Variants in FAT2 observed in about 807,000 individuals in gnomAD.
The protein encoded by FAT2 is FAT atypical cadherin 2, also known as protocadherin Fat 2.
A neutral mutation model predicts 295.3 loss-of-function variants in FAT2; 150 were observed. The observed-to-expected ratio is 0.51, with a 90% CI of 0.44 to 0.58. The LOEUF (loss-of-function observed/expected upper bound fraction) is 0.58, where lower values mean the gene tolerates loss of function less well. FAT2 is among the 20% of genes least tolerant of loss of function. The pLI is 0.00. For missense variants in FAT2, 4,868 were observed against 5,442.7 expected (o/e 0.89, Z 3.32); for synonymous variants, 2,026 against 2,150.3 (o/e 0.94, Z 1.60).
Position 151,543,939 on chromosome 5 carries a change from G to C in FAT2, c.7188C>G (p.His2396Gln). The change falls in exon 10 of 24, where the codon CAC becomes CAG. Residue 2396 changes from histidine to glutamine, a missense_variant. Around this residue, in one of 5 missense-constraint regions of FAT2, gnomAD observed 3,297 missense variants for 3,669.4 expected, o/e 0.90. Coordinates refer to ENST00000261800, the MANE Select transcript of FAT2 (RefSeq NM_001447.3). ...ANVSELATCG[H>Q]LVLKVQAIDP... ...CAATAGCCTGGACTTTAAGAACCAG[G>C]TGTCCACAGGTTGCCAGTTCACTGA... The C allele has an allele frequency of 1.2e-6, 2 of 1,614,172 alleles. No individual in the cohort carries two copies. Among genetic ancestry groups the C allele is most frequent in the Non-Finnish European group, 1.7e-6 (2 of 1,180,040 alleles).
rs150055387 is a variant in FAT2, at chr5:151,531,714, G to T, written c.9684C>A (p.Pro3228=). 1 of 1,613,842 alleles carries T rather than the reference G, an allele frequency of 6.2e-7. No homozygotes were observed. The change falls in exon 14 of 24, where the codon CCC becomes CCA. Residue 3228 remains proline (P), a synonymous_variant. Transcript: ENST00000261800. The surrounding 1 kb of genome is among the most constrained non-coding windows in gnomAD (Gnocchi z 5.7). The part of the protein sequence containing the change: ...FLNTEHSVQV[P]EDAPPGTEVL... ...CCTCCGTGCCAGGTGGGGCGTCCTCGGGCACCTGCACGCTGTGCTCGGTGT... is the reference window on the plus strand; with the variant it reads ...CCTCCGTGCCAGGTGGGGCGTCCTCTGGCACCTGCACGCTGTGCTCGGTGT...
At chr5:151,534,703 C>T in intron 12 of FAT2, 61 bp from the exon 13 acceptor site, 2 of 1,436,288 alleles carry the variant, frequency 1.4e-6, no homozygotes, top group Admixed American at 1.7e-5. Flanking sequence ...AAGCATGTGC[C>T]CTCTATATAT....
rs115862199 is a variant in FAT2, at chr5:151,512,989, C to T, written c.11464-383G>A. Among the ~76,000 whole-genome samples the T allele has an allele frequency of 3.4e-3, 517 of 152,342 alleles. 5 individuals carry two copies. The highest frequency in any genetic ancestry group is 0.012 in the African/African-American group (501 of 41,578). On this transcript the variant is annotated intron_variant, in intron 20 of 23. Coordinates refer to ENST00000261800, the MANE Select transcript of FAT2 (RefSeq NM_001447.3). The surrounding 1 kb of genome is among the most constrained non-coding windows in gnomAD (Gnocchi z 4.1). The stretch of plus-strand genomic sequence containing the variant: ...AAAACCTGTCTCCCACTCCCACTTC[C>T]TTATTCAACAGCTTAGCAGTTCTCA...
chr5:151,517,687 T>A lies in FAT2; in HGVS notation c.11396A>T (p.Tyr3799Phe). 6.2e-7 allele frequency: 1 copy of A among 1,614,134 alleles called. No homozygotes were observed. The highest frequency in any genetic ancestry group is 8.5e-7 in the Non-Finnish European group (1 of 1,180,028). ...GGCCTGTGGCTGGAGTGTTTTCAGA[T>A]AGAAATGGATGTGCCAGTTCCGAGC... Reference protein sequence around the residue: ...PAARNWHIHFYLKTLQPQAIL... With the variant: ...PAARNWHIHFFLKTLQPQAIL... The change falls in exon 20 of 24, where the codon TAT (tyrosine) becomes TTT (phenylalanine). Residue 3799 changes from tyrosine to phenylalanine, a missense_variant. By Grantham distance (22) the Tyr-to-Phe change is conservative. This residue lies in a region of FAT2 where 1,046 missense variants were observed against 1,210.1 expected (regional missense o/e 0.86). Coordinates refer to ENST00000261800, the MANE Select transcript of FAT2 (RefSeq NM_001447.3).
chr5:151,508,952 A>G (rs901156607), intron 22 of FAT2, among the ~76,000 whole-genome samples: 4 of 152,082 alleles, frequency 2.6e-5, no homozygotes, highest in African/African-American at 9.7e-5. Context: ...TATATTTTTC[A>G]TGTCTCTTTC....
Position 151,554,558 on chromosome 5 carries a change from C to T in FAT2, c.3749G>A (p.Arg1250His), listed in dbSNP as rs145224294. ...CACAGGGCTCAGCCTCTCTGGAAGG[C>T]GGACATTGAAGAGCTTGTGGGAGAA... is the stretch of plus-strand genomic sequence containing the variant. ...PIFSHKLFNV[R>H]LPERLSPVSP... Residue 1250 changes from arginine to histidine, a missense_variant, in exon 5 of 24, where the codon CGC becomes CAC. Around this residue, in one of 5 missense-constraint regions of FAT2, gnomAD observed 3,297 missense variants for 3,669.4 expected, o/e 0.90. Transcript: ENST00000261800. The T allele has an allele frequency of 4.2e-5, 68 of 1,614,040 alleles. No homozygotes were observed. Among genetic ancestry groups the T allele is most frequent in the Middle Eastern group, 1.6e-4 (1 of 6,084 alleles).
At chr5:151,584,229 C>T (rs181342170) in intron 1 of FAT2, among the ~76,000 whole-genome samples, 73 of 152,034 alleles carry the variant, frequency 4.8e-4, no homozygotes, top group African/African-American at 1.7e-3. Context: ...CATACCAGGG[C>T]TGTGGAAAAC....
chr5:151,533,393 AAC>A (rs36215342), intron 13 of FAT2, among the ~76,000 whole-genome samples: 26,408 of 131,940 alleles, frequency 0.2, 2,376 homozygotes, highest in South Asian at 0.22. Flanking sequence ...TGTTATCTCC[AAC>A]ACACACACAC....
intron 11 of FAT2, 29 bp downstream of exon 11, chr5:151,540,538 A>G: frequency 3.2e-6 from 5 of 1,584,616 alleles, no homozygotes; most frequent in Non-Finnish European, 4.3e-6. Flanking sequence ...TGCCTTCACT[A>G]CCCACTCCAC....
At chr5:151,540,965 G>C (rs1377120586) in intron 10 of FAT2, among the ~76,000 whole-genome samples, 1 of 152,222 alleles carries the variant, frequency 6.6e-6, no homozygotes, top group African/African-American at 2.4e-5. Flanking sequence ...GCCTCCTGTT[G>C]AATGAAATTG....
In FAT2 at chr5:151,512,980, T is replaced by C. The variant is rs1190899538; in HGVS notation, c.11464-374A>G. Among the ~76,000 whole-genome samples, 3 of 152,322 alleles carry C rather than the reference T, an allele frequency of 2.0e-5. No homozygotes were observed. Among genetic ancestry groups the C allele is most frequent in the East Asian group, 3.9e-4 (2 of 5,188 alleles). ...GCGATTTGAAAAACCTGTCTCCCACTCCCACTTCCTTATTCAACAGCTTAG... is the reference window on the plus strand; with the variant it reads ...GCGATTTGAAAAACCTGTCTCCCACCCCCACTTCCTTATTCAACAGCTTAG... On this transcript the variant is annotated intron_variant, in intron 20 of 23. Transcript: ENST00000261800. This position sits in a 1 kb window ranked among gnomAD's most constrained non-coding sequence, Gnocchi z 4.1.
Position 151,540,646 on chromosome 5 carries a change from G to T in FAT2, c.8960C>A (p.Ser2987Tyr). The change falls in exon 11 of 24, where the codon TCT (serine) becomes TAT (tyrosine). Residue 2987 changes from serine to tyrosine, a missense_variant. Transcript: ENST00000261800. ...GACCGAAGCCTGGAACTTGCCATCA[G>T]ATGCTGTGACTCTGAGCAAGTACTT... ...TAKYLLRVTA[S>Y]DGKFQASVTV... is the part of the protein sequence containing the mutation. 6.2e-7 allele frequency: 1 copy of T among 1,614,204 alleles called. No individual in the cohort carries two copies. The highest frequency in any genetic ancestry group is 8.5e-7 in the Non-Finnish European group (1 of 1,180,040).
At position 151,568,416 on chromosome 5, in the gene FAT2, G is replaced by A. The variant is rs776597212; in HGVS notation, c.516C>T (p.Ala172=). The change falls in exon 2 of 24, where the codon GCC becomes GCT. Residue 172 remains alanine (A), a synonymous_variant. Coordinates refer to ENST00000261800, the MANE Select transcript of FAT2 (RefSeq NM_001447.3). ...CATTCTGGCCTAGATCAGCATCTGTGGCAGTCACCTTGCAGATGGGGCTCT... is the reference window on the plus strand; with the variant it reads ...CATTCTGGCCTAGATCAGCATCTGTAGCAGTCACCTTGCAGATGGGGCTCT... ...PLKSPICKVT[A]TDADLGQNAE... The A allele has an allele frequency of 1.2e-5, 20 of 1,614,090 alleles. No individual in the cohort carries two copies. The highest frequency in any genetic ancestry group is 1.7e-5 in the Admixed American group (1 of 59,998).
At chr5:151,511,252 G>A (rs1430960380) in intron 21 of FAT2, 3 of 152,172 alleles carry the variant, frequency 2.0e-5, no homozygotes, top group Non-Finnish European at 2.9e-5. Flanking sequence ...GGGGTAATGC[G>A]AAGTGTTGAC....
chr5:151,554,604 C>T lies in FAT2; in HGVS notation c.3703G>A (p.Val1235Ile), dbSNP rs182447259. 113 of 1,614,150 alleles carry T rather than the reference C, an allele frequency of 7.0e-5. 1 individual carries two copies. In the East Asian group the frequency reaches 1.4e-3, roughly 20 times the overall value. The part of the protein sequence containing the change: ...TSRVVVGILD[V>I]NDNPPIFSHK... ...GAGAATATAGGTGGATTGTCATTGACGTCCAAGATGCCTACCACCACCCTG... is the reference window on the plus strand; with the variant it reads ...GAGAATATAGGTGGATTGTCATTGATGTCCAAGATGCCTACCACCACCCTG... The change falls in exon 5 of 24, where the codon GTC (valine) becomes ATC (isoleucine). Residue 1235 changes from valine to isoleucine, a missense_variant. Coordinates refer to ENST00000261800, the MANE Select transcript of FAT2 (RefSeq NM_001447.3).
At chr5:151,591,691 C>T (rs2127667595), upstream of FAT2, among the ~76,000 whole-genome samples, 1 of 152,298 alleles carries the variant, frequency 6.6e-6, no homozygotes, top group African/African-American at 2.4e-5. Context: ...AACCACAGCA[C>T]CCCTTTCCCC....
At chr5:151,514,453 CTT>C (rs1467197529) in intron 20 of FAT2, among the ~76,000 whole-genome samples, 3 of 152,228 alleles carry the variant, frequency 2.0e-5, no homozygotes, top group Non-Finnish European at 4.4e-5. Flanking sequence ...GTAGAACTCT[CTT>C]GGTAAACCCA....
chr5:151,561,161 G>T (rs1382494699), intron 3 of FAT2, among the ~76,000 whole-genome samples: 1 of 152,208 alleles, frequency 6.6e-6, no homozygotes, highest in Non-Finnish European at 1.5e-5. Context: ...GAACAGCTAG[G>T]CTGGAATCTG....
chr5:151,531,374 G>A lies in FAT2; in HGVS notation c.9811+213C>T, dbSNP rs547362525. On this transcript the variant is annotated intron_variant, in intron 14 of 23. Transcript: ENST00000261800. The surrounding 1 kb of genome is among the most constrained non-coding windows in gnomAD (Gnocchi z 5.7). ...AGAGACCTGGCTGCGGACGTGGGAG[G>A]GTCCCGTTTAAGGGAGGCTCCCACA... 3.8e-4 allele frequency among the ~76,000 whole-genome samples: 58 copies of A among 152,136 alleles called. No homozygotes were observed. The highest frequency in any genetic ancestry group is 6.9e-4 in the Non-Finnish European group (47 of 68,028).
Sources: allele counts gnomAD v4.1 joint callset (sites outside exome capture counted in the v4.1 genomes callset), GRCh38; gene constraint gnomAD v4.1.1; regional missense constraint gnomAD v4.1.1; non-coding constraint Gnocchi (gnomAD v3.1); transcripts MANE v1.5; gene names NCBI Gene and HGNC (gene_info 2026-07-23, HGNC 2026-07-21).